The following STK38L variants were observed in gnomAD, a reference collection of about 807,000 sequenced individuals.
STK38L encodes serine/threonine-protein kinase 38-like.
STK38L carries 28 observed loss-of-function variants against 59.7 expected under a neutral mutation model. The ratio of observed to expected loss-of-function variants is 0.47; its 90% CI spans 0.35 to 0.64. The LOEUF (loss-of-function observed/expected upper bound fraction) is 0.64, where lower values mean the gene tolerates loss of function less well. Ranked by LOEUF, STK38L falls within the 30% of genes least tolerant of loss-of-function variation. STK38L has a pLI of 0.01. For missense variants in STK38L, 314 were observed against 555.8 expected (o/e 0.56, Z 4.37); for synonymous variants, 162 against 176.8 (o/e 0.92, Z 0.66).
chr12:27,303,777 AGAGGT>A (rs1944239441), intron 3 of STK38L, among the ~76,000 whole-genome samples: 1 of 152,362 alleles, frequency 6.6e-6, no homozygotes, highest in East Asian at 1.9e-4. Flanking sequence ...AATTTACATT[AGAGGT>A]AAGGGATGTA....
intron 1 of STK38L, among the ~76,000 whole-genome samples, chr12:27,262,833 C>G (rs1943229545): frequency 7.0e-6 from 1 of 142,262 alleles, no homozygotes; most frequent in African/African-American, 2.6e-5. Flanking sequence ...GAGTCTTACT[C>G]TGTTGCCCAG....
chr12:27,317,805 G>T, intron 10 of STK38L, 91 bp from the exon 11 acceptor site: 1 of 1,511,272 alleles, frequency 6.6e-7, no homozygotes, highest in Non-Finnish European at 9.0e-7. Flanking sequence ...AGCACTCAGG[G>T]TTGTTTGGTT....
At chr12:27,252,397 C>A (rs1041506634) in intron 1 of STK38L, among the ~76,000 whole-genome samples, 16 of 150,294 alleles carry the variant, frequency 1.1e-4, no homozygotes, top group Non-Finnish European at 2.4e-4. Flanking sequence ...ATTCAATGAT[C>A]CATTTTTGAC....
chr12:27,244,825 C>T (rs752406817), intron 1 of STK38L, among the ~76,000 whole-genome samples: 1 of 152,184 alleles, frequency 6.6e-6, no homozygotes, highest in Admixed American at 6.5e-5. Flanking sequence ...AAGACAGACT[C>T]AGGAAAGCCT....
At chr12:27,276,461 T>C (rs1402994871) in intron 1 of STK38L, among the ~76,000 whole-genome samples, 2 of 152,120 alleles carry the variant, frequency 1.3e-5, no homozygotes, top group African/African-American at 4.8e-5. Context: ...GGACCACGAC[T>C]TCCACCGAGC....
At chr12:27,291,081 G>T (rs1943886127) in intron 1 of STK38L, among the ~76,000 whole-genome samples, 1 of 152,154 alleles carries the variant, frequency 6.6e-6, no homozygotes, top group African/African-American at 2.4e-5. Flanking sequence ...AGAATTAAAT[G>T]CTTCTAAGAA....
At chr12:27,245,651 A>AG (rs1338638772) in intron 1 of STK38L, 1 of 152,130 alleles carries the variant, frequency 6.6e-6, no homozygotes, top group Non-Finnish European at 1.5e-5. Flanking sequence ...CCAGTGGCTG[A>AG]GAGGTATTGT....
At chr12:27,276,803 CT>C (rs1943547250) in intron 1 of STK38L, among the ~76,000 whole-genome samples, 2 of 152,170 alleles carry the variant, frequency 1.3e-5, no homozygotes, top group South Asian at 4.1e-4. Context: ...ATTCATGTGT[CT>C]ACTGCATATC....
At chr12:27,245,184 C>A (rs946041442) in intron 1 of STK38L, among the ~76,000 whole-genome samples, 1 of 152,092 alleles carries the variant, frequency 6.6e-6, no homozygotes, top group Non-Finnish European at 1.5e-5. Flanking sequence ...GGGGGGAGGG[C>A]TAGTGGCTCT....
At chr12:27,255,469 T>G (rs1943072548) in intron 1 of STK38L, among the ~76,000 whole-genome samples, 1 of 152,234 alleles carries the variant, frequency 6.6e-6, no homozygotes. Flanking sequence ...TGGTGAAAAG[T>G]TATTTCTCAG....
intron 1 of STK38L, among the ~76,000 whole-genome samples, chr12:27,292,873 T>A (rs1247094553): frequency 6.6e-6 from 1 of 152,230 alleles, no homozygotes; most frequent in Admixed American, 6.5e-5. Flanking sequence ...ATTTACCTTC[T>A]TTTTTGAAGA....
rs568605613 is a variant in STK38L, at chr12:27,281,856, G to C, written c.-11-15854G>C. On this transcript the variant is annotated intron_variant, in intron 1 of 13. Transcript: ENST00000389032. Reference sequence around the variant, plus strand: ...TGGAGACCACCCTGGCCAACATGGTGGAACCCCCTGTCTACTAAAAATACA... The same window carrying C: ...TGGAGACCACCCTGGCCAACATGGTCGAACCCCCTGTCTACTAAAAATACA... Among the ~76,000 whole-genome samples the C allele has an allele frequency of 5.3e-5, 8 of 152,138 alleles. No individual in the cohort carries two copies. The East Asian group carries it at 1.4e-3, about 26-fold the overall frequency.
intron 1 of STK38L, among the ~76,000 whole-genome samples, chr12:27,255,148 CATTGTATAGCCCA>C (rs1943065325): frequency 2.6e-5 from 4 of 152,146 alleles, no homozygotes; most frequent in Admixed American, 2.6e-4. Context: ...AGATTAGCCC[CATTGTATAGCCCA>C]ATTCAGGCAC....
Position 27,312,531 on chromosome 12 carries a change from A to C in STK38L, c.394-18A>C. The C allele has an allele frequency of 6.2e-7, 1 of 1,608,084 alleles. No homozygotes were observed. Among genetic ancestry groups the C allele is most frequent in the Non-Finnish European group, 8.5e-7 (1 of 1,178,448 alleles). On this transcript the variant is annotated intron_variant, in intron 5 of 13. Transcript: ENST00000389032. Reference sequence around the variant, plus strand: ...TGATGTATTTACAATTATTTTTTTCAAAAATATATTCATCTAGGTGGCCCA... The same window carrying C: ...TGATGTATTTACAATTATTTTTTTCCAAAATATATTCATCTAGGTGGCCCA...
chr12:27,272,126 A>T (rs909540405), intron 1 of STK38L, among the ~76,000 whole-genome samples: 1 of 152,200 alleles, frequency 6.6e-6, no homozygotes, highest in Non-Finnish European at 1.5e-5. Flanking sequence ...TTTTAGATAG[A>T]GTTTTCACTC....
At chr12:27,259,948 T>C (rs1943170303) in intron 1 of STK38L, among the ~76,000 whole-genome samples, 1 of 152,238 alleles carries the variant, frequency 6.6e-6, no homozygotes, top group Non-Finnish European at 1.5e-5. Context: ...CTTCCCATTT[T>C]CTGTCATTAA....
At chr12:27,257,810 T>A (rs1591849767) in intron 1 of STK38L, among the ~76,000 whole-genome samples, 1 of 152,276 alleles carries the variant, frequency 6.6e-6, no homozygotes, top group East Asian at 1.9e-4. Context: ...CAGCCCAAGA[T>A]TAAGATTGTA....
intron 5 of STK38L, among the ~76,000 whole-genome samples, chr12:27,309,443 T>C (rs1332872976): frequency 2.6e-5 from 4 of 152,200 alleles, no homozygotes; most frequent in African/African-American, 7.2e-5. Context: ...CAGAAACTTA[T>C]TTTCTCATAG....
At chr12:27,246,750 G>GCACT (rs3080858) in intron 1 of STK38L, among the ~76,000 whole-genome samples, 78,380 of 151,720 alleles carry the variant, frequency 0.52, 21,476 homozygotes, top group East Asian at 0.87. Flanking sequence ...GTACTTAAGT[G>GCACT]CACTGGTTGC....
Sources: allele counts gnomAD v4.1 joint callset (sites outside exome capture counted in the v4.1 genomes callset), GRCh38; gene constraint gnomAD v4.1.1; transcripts MANE v1.5; gene names NCBI Gene and HGNC (gene_info 2026-07-23, HGNC 2026-07-21).